DGKH: variants seen among roughly 807,000 people sequenced by gnomAD.
The protein encoded by DGKH is diacylglycerol kinase eta, also known as DAG kinase eta.
DGKH carries 90 observed loss-of-function variants against 159.3 expected under a neutral mutation model. The ratio of observed to expected loss-of-function variants is 0.57; its 90% confidence interval spans 0.48 to 0.67. DGKH has a LOEUF of 0.67. Among genes scored for constraint, DGKH ranks in the 30% least tolerant of loss-of-function variants. The pLI is 0.00. For missense variants in DGKH, 1,181 were observed against 1,506.1 expected (o/e 0.78, Z 3.57); for synonymous variants, 536 against 553.8 (o/e 0.97, Z 0.45).
chr13:42,045,546 A>G (rs1401040675), upstream of DGKH, among the ~76,000 whole-genome samples: 1 of 152,222 alleles, frequency 6.6e-6, no homozygotes, highest in Admixed American at 6.5e-5. Context: ...TTAATCCCCA[A>G]ATCTTTTTCA....
At chr13:42,145,197 C>T (rs1955693565) in intron 3 of DGKH, among the ~76,000 whole-genome samples, 2 of 152,180 alleles carry the variant, frequency 1.3e-5, no homozygotes, top group Non-Finnish European at 2.9e-5. Context: ...GTTTAAGCTT[C>T]GCTGAGCCCA....
At position 42,233,120 on chromosome 13, in the gene DGKH, G is replaced by C. The variant is rs1958340685; in HGVS notation, c.*3932G>C. On this transcript the variant is annotated 3_prime_UTR_variant, in exon 30 of 30. Transcript: ENST00000337343. ...CCCTCCAGCCTGGGCAGCAGAGCAA[G>C]ACCCCTACTCTTTAAAAAAATTAAT... 1 of 152,202 alleles carries C rather than the reference G, an allele frequency of 6.6e-6. No homozygotes were observed. Among genetic ancestry groups the C allele is most frequent in the African/African-American group, 2.4e-5 (1 of 41,440 alleles). 9.4% of individuals were successfully genotyped at this position (152,202 alleles called of 1,614,324 possible). A position where few individuals can be genotyped will look rare whatever the true frequency, so the allele number is the denominator to read the frequency against.
intron 29 of DGKH, among the ~76,000 whole-genome samples, chr13:42,224,529 C>G (rs8002039): frequency 0.037 from 5,681 of 152,258 alleles, 318 homozygotes; most frequent in African/African-American, 0.13. Context: ...CACGTTGCAA[C>G]CAGAGTGTTA....
chr13:42,191,966 T>A (rs1957080752), intron 16 of DGKH, among the ~76,000 whole-genome samples: 1 of 152,186 alleles, frequency 6.6e-6, no homozygotes, highest in Non-Finnish European at 1.5e-5. Flanking sequence ...GGTTTTCTCA[T>A]CTCTAATATG....
At chr13:42,124,269 T>C (rs987887787) in intron 1 of DGKH, among the ~76,000 whole-genome samples, 5 of 151,218 alleles carry the variant, frequency 3.3e-5, no homozygotes, top group Non-Finnish European at 7.4e-5. Flanking sequence ...CTAATACTGA[T>C]ACGCACTTAC....
chr13:42,207,133 CCT>C (rs1566192633), intron 21 of DGKH, among the ~76,000 whole-genome samples: 10,579 of 27,330 alleles, frequency 0.39, 2,544 homozygotes, highest in South Asian at 0.46. Context: ...CTCCTTCCTT[CCT>C]TCCTTCCTTC....
Position 42,219,790 on chromosome 13 carries a change from G to T in DGKH, c.3438G>T (p.Gln1146His), listed in dbSNP as rs1421653030. 1 of 1,612,970 alleles carries T rather than the reference G, an allele frequency of 6.2e-7. No individual in the cohort carries two copies. The highest frequency in any genetic ancestry group is 1.3e-5 in the African/African-American group (1 of 74,858). Reference protein sequence around the residue: ...EKVQKQKTSSQPVQKWGTEEV... With the variant: ...EKVQKQKTSSHPVQKWGTEEV... Reference sequence around the variant, plus strand: ...TTCAGAAGCAGAAGACAAGTTCACAGCCTGGTAGGTGGTCCATATGGAAGG... The same window carrying T: ...TTCAGAAGCAGAAGACAAGTTCACATCCTGGTAGGTGGTCCATATGGAAGG... The change falls in exon 28 of 30, where the codon CAG becomes CAT. Residue 1146 changes from glutamine (Q) to histidine (H), a missense_variant. By Grantham distance (24) the Gln-to-His change is conservative. Around this residue, in one of 5 missense-constraint regions of DGKH, gnomAD observed 335 missense variants for 495.2 expected, o/e 0.68. Transcript: ENST00000337343.
intron 16 of DGKH, 86 bp downstream of exon 16, chr13:42,190,611 A>AG (rs1475478387): frequency 1.5e-6 from 2 of 1,345,494 alleles, no homozygotes; most frequent in Admixed American, 5.2e-5. Context: ...AGTTTGAAAA[A>AG]AACTATTTGT....
chr13:42,141,809 G>A (rs1028454199), intron 3 of DGKH, among the ~76,000 whole-genome samples: 5 of 152,136 alleles, frequency 3.3e-5, no homozygotes, highest in Non-Finnish European at 2.9e-5. Context: ...TTTGTCAGAT[G>A]AGTAGATTGC....
chr13:42,059,642 T>C (rs531674753), intron 1 of DGKH, among the ~76,000 whole-genome samples: 2 of 152,338 alleles, frequency 1.3e-5, no homozygotes, highest in African/African-American at 4.8e-5. Context: ...TTTTAGGTGC[T>C]TCTATGGCCT....
intron 29 of DGKH, among the ~76,000 whole-genome samples, chr13:42,224,166 A>G (rs1390801898): frequency 2.6e-5 from 4 of 152,162 alleles, no homozygotes; most frequent in Non-Finnish European, 5.9e-5. Context: ...ATTGATGGAA[A>G]CCTAGGTTAG....
Position 42,168,677 on chromosome 13 carries a change from A to G in DGKH, c.1228-2A>G. The stretch of plus-strand genomic sequence containing the variant: ...AAGTCACCCTGTTGCACTGTCTTTC[A>G]GTGTCAGCTGGGAGTGTTGCCTTTG... On this transcript the variant is annotated splice_acceptor_variant, in intron 10 of 29. Transcript: ENST00000337343. LOFTEE classifies it high-confidence loss of function. 6.2e-7 allele frequency: 1 copy of G among 1,614,200 alleles called. No homozygotes were observed. The highest frequency in any genetic ancestry group is 8.5e-7 in the Non-Finnish European group (1 of 1,180,004).
At chr13:42,070,190 G>A (rs1407746258) in intron 1 of DGKH, 5 of 959,318 alleles carry the variant, frequency 5.2e-6, no homozygotes, top group Admixed American at 1.7e-5. Flanking sequence ...CAATCCATGG[G>A]GCTAAATGTC....
At position 42,233,749 on chromosome 13, in the gene DGKH, A is replaced by C. The variant is rs1335685091; in HGVS notation, c.*4561A>C. The C allele has an allele frequency of 1.3e-5, 2 of 152,204 alleles. No homozygotes were observed. The highest frequency in any genetic ancestry group is 6.5e-5 in the Admixed American group (1 of 15,284). 9.4% of individuals were successfully genotyped at this position (152,204 alleles called of 1,614,324 possible). A position where few individuals can be genotyped will look rare whatever the true frequency, so the allele number is the denominator to read the frequency against. On this transcript the variant is annotated 3_prime_UTR_variant, in exon 30 of 30. Coordinates refer to ENST00000337343, the MANE Select transcript of DGKH (RefSeq NM_178009.5). ...ATCCATGTTTGTTCAGTTTGTTGAC[A>C]TGTGGCATGTTCATTTGTTCACAAC... is the stretch of plus-strand genomic sequence containing the variant.
At chr13:42,071,031 C>A in intron 1 of DGKH, 1 of 1,263,756 alleles carries the variant, frequency 7.9e-7, no homozygotes, top group South Asian at 1.3e-5. Flanking sequence ...GTTTTAAGTC[C>A]ATATACGTAG....
At chr13:42,199,971 G>T in intron 20 of DGKH, 62 bp downstream of exon 20, 2 of 1,410,582 alleles carry the variant, frequency 1.4e-6, no homozygotes, top group Non-Finnish European at 1.9e-6. Flanking sequence ...TATCGTTTTG[G>T]AGCTAATTTG....
chr13:42,211,914 A>G (rs1257150300), intron 24 of DGKH, among the ~76,000 whole-genome samples: 3 of 152,082 alleles, frequency 2.0e-5, no homozygotes, highest in Non-Finnish European at 4.4e-5. Flanking sequence ...ACTCACCCCC[A>G]TGATTCAGTT....
At chr13:42,210,166 ATTT>A (rs1014807364) in intron 23 of DGKH, among the ~76,000 whole-genome samples, 1 of 151,510 alleles carries the variant, frequency 6.6e-6, no homozygotes, top group South Asian at 2.1e-4. Flanking sequence ...AGCATGAAAT[ATTT>A]TTTTGTTTTT....
At chr13:42,140,143 C>A (rs1955506239) in intron 3 of DGKH, among the ~76,000 whole-genome samples, 1 of 152,156 alleles carries the variant, frequency 6.6e-6, no homozygotes, top group South Asian at 2.1e-4. Context: ...ACTTTTTATC[C>A]CTGAGTCTGA....
Sources: allele counts gnomAD v4.1 joint callset (sites outside exome capture counted in the v4.1 genomes callset), GRCh38; gene constraint gnomAD v4.1.1; regional missense constraint gnomAD v4.1.1; transcripts MANE v1.5; gene names NCBI Gene and HGNC (gene_info 2026-07-23, HGNC 2026-07-21).